Variants in CNTN1 observed in about 807,000 individuals in gnomAD.
CNTN1 encodes the protein contactin-1.
In CNTN1, 38 loss-of-function variants were observed where a neutral mutation model predicts 126.4. The observed-to-expected ratio is 0.30, with a 90% CI of 0.23 to 0.39. CNTN1 has a LOEUF of 0.39. Among genes scored for constraint, CNTN1 ranks in the 10% least tolerant of loss-of-function variants. The pLI is 1.00. For synonymous variants in CNTN1, 413 were observed against 422.6 expected (o/e 0.98, Z 0.28); for missense variants, 1,009 against 1,248.4 (o/e 0.81, Z 2.89).
Position 41,006,952 on chromosome 12 carries a change from T to G in CNTN1, c.2114-7276T>G, listed in dbSNP as rs1319137841. On this transcript the variant is annotated intron_variant, in intron 17 of 23. Coordinates refer to ENST00000551295, the MANE Select transcript of CNTN1 (RefSeq NM_001843.4). ...AGCATACAAATCCAATAAGGTACAG[T>G]GCTTACCTGAAGGAGTTTGAAGGAG... 3.3e-5 allele frequency among the ~76,000 whole-genome samples: 5 copies of G among 150,670 alleles called. No homozygotes were observed. In the East Asian group the frequency reaches 9.8e-4, roughly 30 times the overall value.
intron 14 of CNTN1, among the ~76,000 whole-genome samples, chr12:40,957,592 A>AAAAT (rs60750061): frequency 0.041 from 5,807 of 140,674 alleles, 263 homozygotes; most frequent in African/African-American, 0.11. Flanking sequence ...TGGTATGACA[A>AAAAT]AAATAAATAA....
At chr12:40,880,590 C>G (rs1207571971) in intron 1 of CNTN1, among the ~76,000 whole-genome samples, 1 of 151,992 alleles carries the variant, frequency 6.6e-6, no homozygotes, top group Non-Finnish European at 1.5e-5. Context: ...AAACTTTACT[C>G]TTAAGCAAGT....
At chr12:40,858,140 T>G (rs975434321) in intron 1 of CNTN1, among the ~76,000 whole-genome samples, 1 of 152,152 alleles carries the variant, frequency 6.6e-6, no homozygotes, top group Admixed American at 6.6e-5. Flanking sequence ...GGTCCTGATT[T>G]CTTGCTGTCA....
chr12:40,821,596 T>C (rs566183083), intron 1 of CNTN1, among the ~76,000 whole-genome samples: 6 of 152,274 alleles, frequency 3.9e-5, no homozygotes, highest in Non-Finnish European at 8.8e-5. Flanking sequence ...ATATGGATAT[T>C]TGAAAACTAT....
chr12:40,857,391 A>G (rs1426121590), intron 1 of CNTN1, among the ~76,000 whole-genome samples: 2 of 152,140 alleles, frequency 1.3e-5, no homozygotes, highest in Non-Finnish European at 2.9e-5. Flanking sequence ...AATTTGATAA[A>G]TTCATCTTCA....
chr12:40,948,264 T>C (rs1459371971), intron 14 of CNTN1, among the ~76,000 whole-genome samples: 1 of 141,100 alleles, frequency 7.1e-6, no homozygotes, highest in Non-Finnish European at 1.5e-5. Context: ...CTTTCTTTTT[T>C]TTTTTTTTTT....
intron 1 of CNTN1, among the ~76,000 whole-genome samples, chr12:40,718,278 C>T (rs973410222): frequency 2.2e-4 from 33 of 152,308 alleles, no homozygotes; most frequent in African/African-American, 7.9e-4. Flanking sequence ...AAGCGATTCT[C>T]CTGCCTCAGC....
At chr12:40,994,386 C>T (rs1304914804) in intron 17 of CNTN1, among the ~76,000 whole-genome samples, 2 of 152,034 alleles carry the variant, frequency 1.3e-5, no homozygotes, top group East Asian at 1.9e-4. Context: ...AAATATTTTA[C>T]CTGAGATGTT....
chr12:40,849,233 T>C (rs1942630143), intron 1 of CNTN1, among the ~76,000 whole-genome samples: 1 of 152,152 alleles, frequency 6.6e-6, no homozygotes, highest in African/African-American at 2.4e-5. Flanking sequence ...CTGCTTATAA[T>C]CTTTACACTT....
chr12:40,884,242 T>G (rs1943959947), intron 1 of CNTN1, among the ~76,000 whole-genome samples: 2 of 151,598 alleles, frequency 1.3e-5, no homozygotes, highest in African/African-American at 4.8e-5. Context: ...TTCTTTTTCC[T>G]TATTTTCTGC....
intron 19 of CNTN1, among the ~76,000 whole-genome samples, chr12:41,018,696 A>ATG (rs150221206): frequency 0.61 from 91,746 of 149,786 alleles, 28,491 homozygotes; most frequent in African/African-American, 0.74. Flanking sequence ...ATTTTAATAT[A>ATG]TGTGTGTGTG....
intron 1 of CNTN1, among the ~76,000 whole-genome samples, chr12:40,720,903 T>A: frequency 6.6e-6 from 1 of 151,604 alleles, no homozygotes; most frequent in East Asian, 1.9e-4. Context: ...CACTCCAGCC[T>A]ATTTGTAACA....
intron 15 of CNTN1, among the ~76,000 whole-genome samples, chr12:40,966,362 C>G (rs1182131699): frequency 6.6e-6 from 1 of 152,100 alleles, no homozygotes; most frequent in Non-Finnish European, 1.5e-5. Context: ...TGACCCCACT[C>G]TGCACTAACC....
At chr12:40,835,791 G>A (rs1422246499) in intron 1 of CNTN1, among the ~76,000 whole-genome samples, 3 of 133,846 alleles carry the variant, frequency 2.2e-5, no homozygotes, top group African/African-American at 8.6e-5. Context: ...AATTCTAAAT[G>A]CTATTTATAC....
intron 15 of CNTN1, among the ~76,000 whole-genome samples, chr12:40,962,916 T>C (rs1359226553): frequency 6.6e-6 from 1 of 152,140 alleles, no homozygotes; most frequent in Non-Finnish European, 1.5e-5. Context: ...TTCTATAGTA[T>C]AGAGATTATT....
At chr12:41,013,884 C>A (rs545253777) in intron 17 of CNTN1, among the ~76,000 whole-genome samples, 1 of 152,282 alleles carries the variant, frequency 6.6e-6, no homozygotes, top group Non-Finnish European at 1.5e-5. Flanking sequence ...ATGAAACTAA[C>A]ACAACATTAA....
intron 17 of CNTN1, among the ~76,000 whole-genome samples, chr12:41,000,047 C>T (rs1355664517): frequency 6.6e-6 from 1 of 152,030 alleles, no homozygotes; most frequent in East Asian, 1.9e-4. Context: ...ATGGACTGAG[C>T]TCAGTGAATG....
chr12:41,024,146 C>T (rs1485069244), intron 20 of CNTN1, among the ~76,000 whole-genome samples: 3 of 152,192 alleles, frequency 2.0e-5, no homozygotes, highest in South Asian at 4.1e-4. Context: ...GAATTTGAGC[C>T]ATCCTGTTGC....
intron 3 of CNTN1, among the ~76,000 whole-genome samples, chr12:40,911,153 T>C (rs184831371): frequency 6.8e-4 from 103 of 151,474 alleles, no homozygotes; most frequent in South Asian, 6.2e-3. Flanking sequence ...CGATCTCGGC[T>C]CACTGCAAGC....
Sources: allele counts gnomAD v4.1 joint callset (sites outside exome capture counted in the v4.1 genomes callset), GRCh38; gene constraint gnomAD v4.1.1; transcripts MANE v1.5; gene names NCBI Gene and HGNC (gene_info 2026-07-23, HGNC 2026-07-21).